CABS1: variants seen among roughly 807,000 people sequenced by gnomAD.
CABS1 encodes calcium binding protein, spermatid associated 1, also known as calcium-binding and spermatid-specific protein 1.
For synonymous variants in CABS1, 195 were observed against 169.0 expected (o/e 1.15, Z -1.19); for missense variants, 500 against 464.3 (o/e 1.08, Z -0.71).
chr4:70,336,306 A>T lies in CABS1; in HGVS notation c.*79A>T, dbSNP rs1459794758. 1.3e-6 allele frequency: 2 copies of T among 1,483,686 alleles called. No individual in the cohort carries two copies. The highest frequency in any genetic ancestry group is 1.8e-6 in the Non-Finnish European group (2 of 1,118,916). 91.9% of individuals were successfully genotyped at this position (1,483,686 alleles called of 1,614,324 possible). ...TTAACATCTAAGAAATTTTTCCAAC[A>T]AGCAAAAACCTTTAGAAATGAAAGA... On this transcript the variant is annotated 3_prime_UTR_variant, in exon 1 of 2. Transcript: ENST00000273936.
In CABS1 at chr4:70,335,906, A is replaced by G. The variant is rs754231118; in HGVS notation, c.867A>G (p.Glu289=). The change falls in exon 1 of 2, where the codon GAA becomes GAG. Residue 289 remains glutamate, a synonymous_variant. Coordinates refer to ENST00000273936, the MANE Select transcript of CABS1 (RefSeq NM_033122.4). ...DKREDTLLTD[E]ETTEGASIWM... ...GGGAAGATACTCTGCTAACTGATGAAGAAACTACCGAGGGAGCCAGTATTT... is the reference window on the plus strand; with the variant it reads ...GGGAAGATACTCTGCTAACTGATGAGGAAACTACCGAGGGAGCCAGTATTT... The G allele has an allele frequency of 1.2e-6, 2 of 1,613,544 alleles. No homozygotes were observed. The highest frequency in any genetic ancestry group is 8.5e-7 in the Non-Finnish European group (1 of 1,179,728).
chr4:70,336,977 T>C lies in CABS1; in HGVS notation c.*131T>C, dbSNP rs949676055. 1 of 152,406 alleles carries C rather than the reference T, an allele frequency of 6.6e-6. No individual in the cohort carries two copies. Among genetic ancestry groups the C allele is most frequent in the African/African-American group, 2.4e-5 (1 of 41,438 alleles). 9.4% of individuals were successfully genotyped at this position (152,406 alleles called of 1,614,324 possible). Reference sequence around the variant, plus strand: ...TCCATGTTTTCCAGGTCTTAAACACTGAATATCACACTCTTCTTATGACTC... The same window carrying C: ...TCCATGTTTTCCAGGTCTTAAACACCGAATATCACACTCTTCTTATGACTC... On this transcript the variant is annotated 3_prime_UTR_variant, in exon 2 of 2. Coordinates refer to ENST00000273936, the MANE Select transcript of CABS1 (RefSeq NM_033122.4).
At position 70,335,144 on chromosome 4, in the gene CABS1, C is replaced by T. The variant is rs1159340957; in HGVS notation, c.105C>T (p.Pro35=). Residue 35 remains proline, a synonymous_variant, in exon 1 of 2, where the codon CCC becomes CCT. Coordinates refer to ENST00000273936, the MANE Select transcript of CABS1 (RefSeq NM_033122.4). The part of the protein sequence containing the change: ...TIFFGADNAI[P]KSETTITSEG... ...TCTTTGGGGCTGACAATGCTATTCC[C>T]AAATCAGAAACAACTATTACTTCAG... is the stretch of plus-strand genomic sequence containing the variant. The T allele has an allele frequency of 6.2e-7, 1 of 1,613,792 alleles. No homozygotes were observed. Among genetic ancestry groups the T allele is most frequent in the Admixed American group, 1.7e-5 (1 of 59,972 alleles).
Position 70,336,112 on chromosome 4 carries a change from C to T in CABS1, c.1073C>T (p.Pro358Leu), listed in dbSNP as rs368438643. 2.0e-5 allele frequency: 32 copies of T among 1,613,080 alleles called. No homozygotes were observed. Among genetic ancestry groups the T allele is most frequent in the Non-Finnish European group, 2.6e-5 (31 of 1,179,512 alleles). ...GAGACTGTACCTAAGATCACTGAGC[C>T]ATTTTCTGGAACTACCTCTGTATTA... ...NTETVPKITE[P>L]FSGTTSVLDT... The change falls in exon 1 of 2, where the codon CCA becomes CTA. Residue 358 changes from proline to leucine, a missense_variant. Pro to Leu is a moderately conservative substitution (Grantham distance 98). Transcript: ENST00000273936.
In CABS1 at chr4:70,335,329, C is replaced by T. The variant is rs938578483; in HGVS notation, c.290C>T (p.Thr97Ile). 1 of 1,613,824 alleles carries T rather than the reference C, an allele frequency of 6.2e-7. No individual in the cohort carries two copies. Among genetic ancestry groups the T allele is most frequent in the Non-Finnish European group, 8.5e-7 (1 of 1,179,876 alleles). Residue 97 changes from threonine to isoleucine, a missense_variant, in exon 1 of 2, where the codon ACC becomes ATC. Coordinates refer to ENST00000273936, the MANE Select transcript of CABS1 (RefSeq NM_033122.4). ...ACAACTCACCTACAGAAAGAAATTA[C>T]CTCTCTGACTGGCACTACAAACTCC... ...KSTTHLQKEI[T>I]SLTGTTNSIT...
In CABS1 at chr4:70,336,190, A is replaced by T. The variant is rs754706316; in HGVS notation, c.1151A>T (p.Glu384Val). The T allele has an allele frequency of 6.2e-7, 1 of 1,612,130 alleles. No homozygotes were observed. Among genetic ancestry groups the T allele is most frequent in the Non-Finnish European group, 8.5e-7 (1 of 1,179,050 alleles). The stretch of plus-strand genomic sequence containing the variant: ...TCCACAACTGAAACGGATATCTTTG[A>T]ACTACTGAAAGAAGAACCCGATGAG... ...DTSTTETDIF[E>V]LLKEEPDEFM... Residue 384 changes from glutamate to valine, a missense_variant, in exon 1 of 2, where the codon GAA becomes GTA. Glu to Val is a moderately radical substitution (Grantham distance 121). Coordinates refer to ENST00000273936, the MANE Select transcript of CABS1 (RefSeq NM_033122.4).
At position 70,336,211 on chromosome 4, in the gene CABS1, A is replaced by T; in HGVS notation, c.1172A>T (p.Asp391Val). Reference sequence around the variant, plus strand: ...TTTGAACTACTGAAAGAAGAACCCGATGAGTTCATGATTTAAAAGCAACAA... The same window carrying T: ...TTTGAACTACTGAAAGAAGAACCCGTTGAGTTCATGATTTAAAAGCAACAA... ...DIFELLKEEP[D>V]EFMI The change falls in exon 1 of 2, where the codon GAT (aspartate) becomes GTT (valine). Residue 391 changes from aspartate (D) to valine (V), a missense_variant. Coordinates refer to ENST00000273936, the MANE Select transcript of CABS1 (RefSeq NM_033122.4). 1 of 1,610,448 alleles carries T rather than the reference A, an allele frequency of 6.2e-7. No homozygotes were observed. The highest frequency in any genetic ancestry group is 8.5e-7 in the Non-Finnish European group (1 of 1,178,398).
At chr4:70,336,657 T>C (rs1731735701) in intron 1 of CABS1, among the ~76,000 whole-genome samples, 1 of 151,954 alleles carries the variant, frequency 6.6e-6, no homozygotes, top group Non-Finnish European at 1.5e-5. Context: ...TACCATAGCC[T>C]AAAAAGTTCT....
Position 70,336,223 on chromosome 4 carries a change from T to C in CABS1, c.1184T>C (p.Ile395Thr). The C allele has an allele frequency of 6.2e-7, 1 of 1,606,348 alleles. No individual in the cohort carries two copies. Among genetic ancestry groups the C allele is most frequent in the Non-Finnish European group, 8.5e-7 (1 of 1,176,750 alleles). The change falls in exon 1 of 2, where the codon ATT becomes ACT. Residue 395 changes from isoleucine to threonine, a missense_variant. By Grantham distance (89) the Ile-to-Thr change is moderately conservative. Coordinates refer to ENST00000273936, the MANE Select transcript of CABS1 (RefSeq NM_033122.4). ...LLKEEPDEFM[I>T] ...AAAGAAGAACCCGATGAGTTCATGA[T>C]TTAAAAGCAACAAAAGGGATACCAT...
Position 70,336,189 on chromosome 4 carries a change from G to T in CABS1, c.1150G>T (p.Glu384Ter). The T allele has an allele frequency of 6.2e-7, 1 of 1,611,956 alleles. No individual in the cohort carries two copies. The highest frequency in any genetic ancestry group is 8.5e-7 in the Non-Finnish European group (1 of 1,179,014). Residue 384 changes from glutamate to a stop codon, truncating the protein, a stop_gained, in exon 1 of 2, where the codon GAA (glutamate) becomes TAA (stop). Transcript: ENST00000273936. LOFTEE classifies it high-confidence loss of function. The part of the protein sequence containing the change: ...DTSTTETDIF[E>*]LLKEEPDEFM... ...CTCCACAACTGAAACGGATATCTTT[G>T]AACTACTGAAAGAAGAACCCGATGA...
Position 70,335,198 on chromosome 4 carries a change from A to T in CABS1, c.159A>T (p.Glu53Asp). Reference sequence around the variant, plus strand: ...GAGACCACGTCACTTCAGTAAATGAATATATGCTAGAAAGCGATTTTTCAA... The same window carrying T: ...GAGACCACGTCACTTCAGTAAATGATTATATGCTAGAAAGCGATTTTTCAA... ...SEGDHVTSVNEYMLESDFSTT... is the reference protein window; with the variant it reads ...SEGDHVTSVNDYMLESDFSTT... The change falls in exon 1 of 2, where the codon GAA becomes GAT. Residue 53 changes from glutamate to aspartate, a missense_variant. Coordinates refer to ENST00000273936, the MANE Select transcript of CABS1 (RefSeq NM_033122.4). The T allele has an allele frequency of 6.2e-7, 1 of 1,613,858 alleles. No homozygotes were observed. Among genetic ancestry groups the T allele is most frequent in the Non-Finnish European group, 8.5e-7 (1 of 1,179,848 alleles).
rs765982429 is a variant in CABS1, at chr4:70,335,194, A to C, written c.155A>C (p.Asn52Thr). 6.2e-7 allele frequency: 1 copy of C among 1,613,844 alleles called. No individual in the cohort carries two copies. Among genetic ancestry groups the C allele is most frequent in the Non-Finnish European group, 8.5e-7 (1 of 1,179,846 alleles). The change falls in exon 1 of 2, where the codon AAT becomes ACT. Residue 52 changes from asparagine (N) to threonine (T), a missense_variant. Coordinates refer to ENST00000273936, the MANE Select transcript of CABS1 (RefSeq NM_033122.4). ...GAAGGAGACCACGTCACTTCAGTAA[A>C]TGAATATATGCTAGAAAGCGATTTT... ...TSEGDHVTSV[N>T]EYMLESDFST...
In CABS1 at chr4:70,335,836, CTG is replaced by C. The variant is rs1406677445; in HGVS notation, c.801_802del (p.Phe268Ter). 10 of 1,613,470 alleles carry C rather than the reference CTG, an allele frequency of 6.2e-6. No individual in the cohort carries two copies. Among genetic ancestry groups the C allele is most frequent in the African/African-American group, 4.0e-5 (3 of 74,862 alleles). On this transcript the variant is annotated frameshift_variant, in exon 1 of 2. Transcript: ENST00000273936. LOFTEE classifies it low-confidence loss of function (END_TRUNC). ...ACTGACTCTGATGAGAAGTTTATCA[CTG>C]TGTTTGAACTCACTACCTCTGCTGA...
At position 70,336,225 on chromosome 4, in the gene CABS1, TA is replaced by T. The variant is rs1158486373; in HGVS notation, c.*2del. On this transcript the variant is annotated frameshift_variant and stop_lost, in exon 1 of 2. Coordinates refer to ENST00000273936, the MANE Select transcript of CABS1 (RefSeq NM_033122.4). LOFTEE classifies it high-confidence loss of function. The part of the protein sequence containing the change: ...LKEEPDEFMI[*>X] ...AGAAGAACCCGATGAGTTCATGATT[TA>T]AAAGCAACAAAAGGGATACCATGTA... 1 of 1,605,474 alleles carries T rather than the reference TA, an allele frequency of 6.2e-7. No individual in the cohort carries two copies. The highest frequency in any genetic ancestry group is 1.3e-5 in the African/African-American group (1 of 74,390).
Position 70,336,308 on chromosome 4 carries a change from G to A in CABS1, c.*81G>A, listed in dbSNP as rs1731730171. 1.4e-6 allele frequency: 2 copies of A among 1,474,326 alleles called. No homozygotes were observed. The highest frequency in any genetic ancestry group is 1.5e-5 in the South Asian group (1 of 66,730). 91.3% of individuals were successfully genotyped at this position (1,474,326 alleles called of 1,614,324 possible). A position where few individuals can be genotyped will look rare whatever the true frequency, so the allele number is the denominator to read the frequency against. ...AACATCTAAGAAATTTTTCCAACAA[G>A]CAAAAACCTTTAGAAATGAAAGAAT... On this transcript the variant is annotated 3_prime_UTR_variant, in exon 1 of 2. Transcript: ENST00000273936.
In CABS1 at chr4:70,336,060, G is replaced by T; in HGVS notation, c.1021G>T (p.Glu341Ter). The change falls in exon 1 of 2, where the codon GAA becomes TAA. Residue 341 changes from glutamate (E) to a stop codon, truncating the protein, a stop_gained. Transcript: ENST00000273936. LOFTEE classifies it low-confidence loss of function (END_TRUNC). ...CCTAGTGGAAGAATCATCTACAGAAGAAGATTTGTCTGAAACTGATAATAC... is the reference window on the plus strand; with the variant it reads ...CCTAGTGGAAGAATCATCTACAGAATAAGATTTGTCTGAAACTGATAATAC... ...TNLVEESSTE[E>*]DLSETDNTET... 1 of 1,613,410 alleles carries T rather than the reference G, an allele frequency of 6.2e-7. No individual in the cohort carries two copies. The highest frequency in any genetic ancestry group is 1.1e-5 in the South Asian group (1 of 91,072).
Position 70,335,351 on chromosome 4 carries a change from C to T in CABS1, c.312C>T (p.Asn104=), listed in dbSNP as rs753975576. The change falls in exon 1 of 2, where the codon AAC becomes AAT. Residue 104 remains asparagine (N), a synonymous_variant. Transcript: ENST00000273936. ...TTACCTCTCTGACTGGCACTACAAA[C>T]TCCATAACAAGAGACTCTATTACCG... ...KEITSLTGTT[N]SITRDSITEH... 6.2e-7 allele frequency: 1 copy of T among 1,613,806 alleles called. No individual in the cohort carries two copies. The highest frequency in any genetic ancestry group is 1.3e-5 in the African/African-American group (1 of 74,998).
At position 70,335,329 on chromosome 4, in the gene CABS1, C is replaced by A. The variant is rs938578483; in HGVS notation, c.290C>A (p.Thr97Asn). 2 of 1,613,824 alleles carry A rather than the reference C, an allele frequency of 1.2e-6. No homozygotes were observed. Among genetic ancestry groups the A allele is most frequent in the Non-Finnish European group, 8.5e-7 (1 of 1,179,876 alleles). ...KSTTHLQKEI[T>N]SLTGTTNSIT... Reference sequence around the variant, plus strand: ...ACAACTCACCTACAGAAAGAAATTACCTCTCTGACTGGCACTACAAACTCC... The same window carrying A: ...ACAACTCACCTACAGAAAGAAATTAACTCTCTGACTGGCACTACAAACTCC... The change falls in exon 1 of 2, where the codon ACC becomes AAC. Residue 97 changes from threonine (T) to asparagine (N), a missense_variant. Transcript: ENST00000273936.
In CABS1 at chr4:70,336,246, CA is replaced by C. The variant is rs1277717129; in HGVS notation, c.*20del. ...GATTTAAAAGCAACAAAAGGGATAC[CA>C]TGTAGAATTGTGCAATAGTCTAGCC... On this transcript the variant is annotated 3_prime_UTR_variant, in exon 1 of 2. Transcript: ENST00000273936. 2.5e-6 allele frequency: 4 copies of C among 1,584,050 alleles called. No homozygotes were observed. The South Asian group carries it at 3.5e-5, about 14-fold the overall frequency.
Sources: gnomAD v4.1 joint callset for allele counts (sites outside exome capture counted in the v4.1 genomes callset) on GRCh38, gnomAD v4.1.1 for gene constraint, MANE v1.5 for transcripts, NCBI Gene and HGNC (gene_info 2026-07-23, HGNC 2026-07-21) for gene names.